LCLAT1: variants seen among roughly 807,000 people sequenced by gnomAD.
LCLAT1 encodes the protein 1-AGP acyltransferase 8.
In LCLAT1, 11 loss-of-function variants were observed where a neutral mutation model predicts 30.7. That is an observed-to-expected ratio of 0.36 (90% CI 0.23 to 0.59). The LOEUF is 0.59. LCLAT1 is among the 20% of genes least tolerant of loss of function. The pLI, the probability that LCLAT1 is intolerant of heterozygous loss-of-function variation, is 0.77. For synonymous variants in LCLAT1, 155 were observed against 151.3 expected (o/e 1.02, Z -0.18); for missense variants, 402 against 458.6 (o/e 0.88, Z 1.13).
chr2:30,638,884 G>A (rs566012434), intron 5 of LCLAT1, among the ~76,000 whole-genome samples: 1 of 99,138 alleles, frequency 1.0e-5, no homozygotes, highest in South Asian at 2.5e-4. Context: ...AACTTTTTTG[G>A]ACATGTCTTT....
intron 1 of LCLAT1, among the ~76,000 whole-genome samples, chr2:30,475,285 C>G (rs546225336): frequency 6.6e-6 from 1 of 152,256 alleles, no homozygotes; most frequent in East Asian, 1.9e-4. Context: ...AAAATTGAGT[C>G]ATGGTCCCTT....
chr2:30,483,824 T>C (rs1411069838), intron 1 of LCLAT1, among the ~76,000 whole-genome samples: 1 of 152,204 alleles, frequency 6.6e-6, no homozygotes, highest in Non-Finnish European at 1.5e-5. Context: ...CCTTAAATTT[T>C]ATGGGCAGCA....
intron 5 of LCLAT1, chr2:30,607,050 A>C (rs1242611972): frequency 1.3e-5 from 2 of 152,130 alleles, no homozygotes; most frequent in East Asian, 3.8e-4. Flanking sequence ...ATCTCACACC[A>C]GTCCAAATGG....
chr2:30,540,985 A>G (rs1572598100), intron 3 of LCLAT1, among the ~76,000 whole-genome samples: 1 of 152,134 alleles, frequency 6.6e-6, no homozygotes, highest in African/African-American at 2.4e-5. Flanking sequence ...TTTAAAGGTA[A>G]TGAGGCTGGA....
chr2:30,617,744 T>C (rs1329292857), intron 5 of LCLAT1, among the ~76,000 whole-genome samples: 1 of 152,170 alleles, frequency 6.6e-6, no homozygotes, highest in South Asian at 2.1e-4. Flanking sequence ...GTAACTAAAG[T>C]GTTAATTTAA....
intron 5 of LCLAT1, among the ~76,000 whole-genome samples, chr2:30,618,834 C>G (rs1668112174): frequency 6.6e-6 from 1 of 152,098 alleles, no homozygotes; most frequent in Admixed American, 6.6e-5. Flanking sequence ...TTTGTAGACC[C>G]CTAAGGATTC....
At chr2:30,469,799 G>C (rs1682682039) in intron 1 of LCLAT1, among the ~76,000 whole-genome samples, 1 of 151,954 alleles carries the variant, frequency 6.6e-6, no homozygotes, top group Admixed American at 6.5e-5. Flanking sequence ...TTTTAGTAGA[G>C]AGCCAGGATG....
chr2:30,458,511 G>C (rs1259568698), intron 1 of LCLAT1, among the ~76,000 whole-genome samples: 2 of 152,194 alleles, frequency 1.3e-5, no homozygotes, highest in Admixed American at 1.3e-4. Context: ...TTTTGGATGA[G>C]TAGGGAGGTA....
rs530803141 is a variant in LCLAT1 at position 30,518,807 on chromosome 2, G to A, written c.-4-6780G>A. Among the ~76,000 whole-genome samples the A allele has an allele frequency of 3.9e-5, 6 of 152,200 alleles. No individual in the cohort carries two copies. The South Asian group carries it at 8.3e-4, about 21-fold the overall frequency. On this transcript the variant is annotated intron_variant, in intron 1 of 5. Transcript: ENST00000379509. ...TCTTGTTTGCCTTTGATGATCCTTCGAACCAACATCTCAACTCACCTGGAC... is the reference window on the plus strand; with the variant it reads ...TCTTGTTTGCCTTTGATGATCCTTCAAACCAACATCTCAACTCACCTGGAC...
chr2:30,594,368 C>T (rs1223138485), intron 5 of LCLAT1, among the ~76,000 whole-genome samples: 2 of 152,158 alleles, frequency 1.3e-5, no homozygotes, highest in East Asian at 3.9e-4. Flanking sequence ...ACACCCACCA[C>T]CTAGAGTCTC....
chr2:30,475,066 T>A (rs1044551302), intron 1 of LCLAT1, among the ~76,000 whole-genome samples: 5 of 151,668 alleles, frequency 3.3e-5, no homozygotes, highest in Admixed American at 3.3e-4. Context: ...GGCACAATCA[T>A]AGCTCATTGT....
chr2:30,489,415 C>T (rs4952133), intron 1 of LCLAT1, among the ~76,000 whole-genome samples: 17,859 of 151,652 alleles, frequency 0.12, 1,225 homozygotes, highest in South Asian at 0.22. Flanking sequence ...TGCAGTGGCG[C>T]GATCTCGGCT....
chr2:30,470,620 A>G (rs777469068), intron 1 of LCLAT1, among the ~76,000 whole-genome samples: 1 of 152,210 alleles, frequency 6.6e-6, no homozygotes, highest in African/African-American at 2.4e-5. Flanking sequence ...TCTCACTGTT[A>G]TAATTTTGCA....
chr2:30,632,728 A>G (rs544934156), intron 5 of LCLAT1, among the ~76,000 whole-genome samples: 1 of 152,362 alleles, frequency 6.6e-6, no homozygotes, highest in African/African-American at 2.4e-5. Context: ...GCTCTTCACA[A>G]AACCCTACGA....
chr2:30,526,038 G>A (rs1424920355), intron 2 of LCLAT1, among the ~76,000 whole-genome samples: 5 of 152,282 alleles, frequency 3.3e-5, no homozygotes, highest in African/African-American at 1.2e-4. Flanking sequence ...TTTTTCCCAT[G>A]AATATATTTG....
At chr2:30,478,212 A>G (rs1475016366) in intron 1 of LCLAT1, among the ~76,000 whole-genome samples, 1 of 152,154 alleles carries the variant, frequency 6.6e-6, no homozygotes, top group African/African-American at 2.4e-5. Flanking sequence ...TTTATTCATA[A>G]TGGTTAAAGA....
intron 1 of LCLAT1, among the ~76,000 whole-genome samples, chr2:30,510,708 G>T (rs1180525251): frequency 6.6e-6 from 1 of 152,012 alleles, no homozygotes; most frequent in Non-Finnish European, 1.5e-5. Flanking sequence ...TGTATTACTG[G>T]CATATGGGAC....
At chr2:30,539,273 T>TTTTTA in intron 3 of LCLAT1, among the ~76,000 whole-genome samples, 1 of 78,582 alleles carries the variant, frequency 1.3e-5, no homozygotes, top group African/African-American at 5.1e-5. Flanking sequence ...TTTTTTTTTT[T>TTTTTA]AAACAGGGTC....
intron 1 of LCLAT1, among the ~76,000 whole-genome samples, chr2:30,512,277 A>G (rs559125000): frequency 6.6e-6 from 1 of 152,318 alleles, no homozygotes; most frequent in East Asian, 1.9e-4. Context: ...TAACCACTGT[A>G]TAATGTATAT....
Sources: gnomAD v4.1 joint callset for allele counts (sites outside exome capture counted in the v4.1 genomes callset) on GRCh38, gnomAD v4.1.1 for gene constraint, MANE v1.5 for transcripts, NCBI Gene and HGNC (gene_info 2026-07-23, HGNC 2026-07-21) for gene names.